Variants in RAD23B observed in about 807,000 individuals in gnomAD.
RAD23B encodes the protein lysine-specific demethylase RAD23B.
Under a neutral mutation model 49.1 loss-of-function variants are expected in RAD23B, and 5 were observed. That is an observed-to-expected ratio of 0.10 (90% CI 0.05 to 0.21). The LOEUF (loss-of-function observed/expected upper bound fraction) is 0.21, where lower values mean the gene tolerates loss of function less well. RAD23B is among the 10% of genes least tolerant of loss of function. RAD23B has a pLI of 1.00. For missense variants in RAD23B, 356 were observed against 486.7 expected, an observed-to-expected ratio of 0.73 and a Z score of 2.53; for synonymous variants, 184 against 165.4, an observed-to-expected ratio of 1.11 and a Z score of -0.86.
intron 1 of RAD23B, chr9:107,284,720 T>G: frequency 8.9e-7 from 1 of 1,124,172 alleles, no homozygotes; most frequent in Non-Finnish European, 1.1e-6. Context: ...AACCAGCAGC[T>G]TTCTGCCCAA....
intron 1 of RAD23B, among the ~76,000 whole-genome samples, chr9:107,291,128 T>C (rs1833376520): frequency 6.6e-6 from 1 of 152,254 alleles, no homozygotes; most frequent in African/African-American, 2.4e-5. Flanking sequence ...GAACAGATTC[T>C]GGAGGCTTAA....
chr9:107,313,517 C>G (rs1295421590), intron 5 of RAD23B, among the ~76,000 whole-genome samples: 1 of 152,184 alleles, frequency 6.6e-6, no homozygotes, highest in Non-Finnish European at 1.5e-5. Context: ...AACCACAGTG[C>G]CCGGCCAGTT....
At chr9:107,324,217 T>G (rs1024410991) in intron 8 of RAD23B, among the ~76,000 whole-genome samples, 200 bp downstream of exon 8, 2 of 152,258 alleles carry the variant, frequency 1.3e-5, no homozygotes, top group Non-Finnish European at 1.5e-5. Context: ...TTAAATTAAG[T>G]TGACCAAATA....
At chr9:107,286,511 T>C (rs116327516) in intron 1 of RAD23B, among the ~76,000 whole-genome samples, 1 of 152,244 alleles carries the variant, frequency 6.6e-6, no homozygotes, top group Non-Finnish European at 1.5e-5. Context: ...ATACATTACA[T>C]GACCACTGCC....
intron 1 of RAD23B, among the ~76,000 whole-genome samples, chr9:107,297,675 A>G (rs553656290): frequency 2.0e-5 from 3 of 151,028 alleles, no homozygotes; most frequent in Admixed American, 6.6e-5. Flanking sequence ...CTTTGAAGCA[A>G]AAGTTATTTA....
At chr9:107,306,197 A>G (rs765521619) in intron 3 of RAD23B, among the ~76,000 whole-genome samples, 182 bp from the exon 4 acceptor site, 48 of 151,404 alleles carry the variant, frequency 3.2e-4, no homozygotes, top group Non-Finnish European at 5.6e-4. Flanking sequence ...GAGCTTTGAA[A>G]GAGTAACCAT....
At chr9:107,307,222 G>GA (rs1252584953) in intron 4 of RAD23B, among the ~76,000 whole-genome samples, 2 of 151,136 alleles carry the variant, frequency 1.3e-5, no homozygotes, top group Admixed American at 6.6e-5. Flanking sequence ...ATCTTTAGGG[G>GA]AAAAAAAAGG....
intron 8 of RAD23B, 92 bp from the exon 9 acceptor site, chr9:107,324,742 G>T: frequency 7.8e-7 from 1 of 1,284,154 alleles, no homozygotes; most frequent in Non-Finnish European, 1.1e-6. Flanking sequence ...CAAAAGTGTA[G>T]CCTTTTCTCT....
In RAD23B at chr9:107,289,080, CTCCCTCCTTTCCTCCCTTCT is replaced by C. The variant is rs1490575708; in HGVS notation, c.66+5393_66+5412del. ...CCTTCTTCCCTTCCTCCCTCCCTTCCTCCCTCCTTTCCTCCCTTCTTCCCTCCCTCCCTCCCTTCCCCCTT... is the reference window on the plus strand; with the variant it reads ...CCTTCTTCCCTTCCTCCCTCCCTTCCTCCCTCCCTCCCTCCCTTCCCCCTT... On this transcript the variant is annotated intron_variant, in intron 1 of 9. Transcript: ENST00000358015. 2.0e-4 allele frequency among the ~76,000 whole-genome samples: 3 copies of C among 15,208 alleles called. No homozygotes were observed. The African/African-American group carries it at 2.1e-3, about 11-fold the overall frequency. The allele number at this position is 15,208 out of a possible 152,430, so 10.0% of individuals were successfully genotyped here. A position where few individuals can be genotyped will look rare whatever the true frequency, so the allele number is the denominator to read the frequency against.
chr9:107,309,824 A>G (rs920837787), intron 4 of RAD23B, among the ~76,000 whole-genome samples: 7 of 150,918 alleles, frequency 4.6e-5, no homozygotes, highest in Non-Finnish European at 1.0e-4. Flanking sequence ...CCAGGTACTC[A>G]GGAGGCTGAG....
intron 1 of RAD23B, among the ~76,000 whole-genome samples, chr9:107,293,573 A>C (rs1250210694): frequency 1.3e-5 from 2 of 152,208 alleles, no homozygotes; most frequent in Non-Finnish European, 2.9e-5. Flanking sequence ...ATAGTTACAA[A>C]AGTAAGAAGA....
intron 1 of RAD23B, among the ~76,000 whole-genome samples, chr9:107,291,110 C>T (rs1271467964): frequency 2.6e-5 from 4 of 152,188 alleles, no homozygotes; most frequent in Non-Finnish European, 5.9e-5. Context: ...AAATGACTGA[C>T]AATACATGAA....
chr9:107,322,154 C>T lies in RAD23B; in HGVS notation c.817+36C>T, dbSNP rs374873869. ...ATCTTCTGGATGGGGAGGGAATGGC[C>T]CTGAATTTTTAGTGTAAAATAATTT... On this transcript the variant is annotated intron_variant, in intron 7 of 9. Transcript: ENST00000358015. The T allele has an allele frequency of 2.2e-5, 34 of 1,539,646 alleles. No homozygotes were observed. The African/African-American group carries it at 4.7e-4, about 21-fold the overall frequency.
chr9:107,284,251 A>G (rs1007231912), intron 1 of RAD23B: 16 of 982,658 alleles, frequency 1.6e-5, no homozygotes, highest in Middle Eastern at 5.3e-4. Context: ...TTTATTTGCA[A>G]ATGAATCGTT....
At chr9:107,313,710 A>G (rs541981205) in intron 5 of RAD23B, among the ~76,000 whole-genome samples, 3 of 152,322 alleles carry the variant, frequency 2.0e-5, no homozygotes, top group Admixed American at 6.5e-5. Context: ...TCACATTGTC[A>G]ACTAGAAAAC....
intron 2 of RAD23B, 103 bp from the exon 3 acceptor site, chr9:107,301,932 T>C: frequency 9.1e-6 from 13 of 1,433,956 alleles, no homozygotes; most frequent in Non-Finnish European, 1.2e-5. Context: ...ATTCATATTT[T>C]AATATTTCTG....
chr9:107,293,371 A>G (rs779006707), intron 1 of RAD23B, among the ~76,000 whole-genome samples: 1 of 152,204 alleles, frequency 6.6e-6, no homozygotes, highest in Non-Finnish European at 1.5e-5. Context: ...GGTGTTGGCT[A>G]CTACAACCTC....
chr9:107,287,452 G>A (rs1041402858), intron 1 of RAD23B, among the ~76,000 whole-genome samples: 4 of 152,286 alleles, frequency 2.6e-5, no homozygotes, highest in Non-Finnish European at 4.4e-5. Flanking sequence ...ATATACATTG[G>A]ATGTTTTTGC....
At chr9:107,296,526 T>G (rs1322159913) in intron 1 of RAD23B, among the ~76,000 whole-genome samples, 1 of 152,174 alleles carries the variant, frequency 6.6e-6, no homozygotes, top group Non-Finnish European at 1.5e-5. Flanking sequence ...GTCCAATTTT[T>G]TTATTAGTGC....
Sources: gnomAD v4.1 joint callset for allele counts (sites outside exome capture counted in the v4.1 genomes callset) on GRCh38, gnomAD v4.1.1 for gene constraint, MANE v1.5 for transcripts, NCBI Gene and HGNC (gene_info 2026-07-23, HGNC 2026-07-21) for gene names.